PIGL: variants seen among roughly 807,000 people sequenced by gnomAD.
The protein encoded by PIGL is N-acetylglucosaminyl-phosphatidylinositol de-N-acetylase.
In PIGL, 22 loss-of-function variants were observed where a neutral mutation model predicts 31.1. The observed-to-expected ratio is 0.71, with a 90% CI of 0.51 to 1.01. The LOEUF (loss-of-function observed/expected upper bound fraction) is 1.01, where lower values mean the gene tolerates loss of function less well. Ranked by LOEUF, PIGL falls within the 50% of genes least tolerant of loss-of-function variation. The pLI is 0.00. For synonymous variants in PIGL, 131 were observed against 117.4 expected, an observed-to-expected ratio of 1.12 and a Z score of -0.75; for missense variants, 302 against 315.9, an observed-to-expected ratio of 0.96 and a Z score of 0.33.
intron 2 of PIGL, among the ~76,000 whole-genome samples, chr17:16,276,448 T>C (rs780131909): frequency 1.2e-4 from 19 of 152,198 alleles, no homozygotes; most frequent in Non-Finnish European, 2.4e-4. Context: ...AAGACTAGAC[T>C]CTGGCCGGGT....
rs190531481 is a variant in PIGL, at chr17:16,228,250, G to A, written c.236-5721G>A. On this transcript the variant is annotated intron_variant, in intron 1 of 6. Coordinates refer to ENST00000225609, the MANE Select transcript of PIGL (RefSeq NM_004278.4). ...TTTTATATTTTTATTAGAGAATGGA[G>A]TTTCACCATGTTGGCCAGGCTTGTC... Among the ~76,000 whole-genome samples the A allele has an allele frequency of 2.7e-3, 408 of 151,042 alleles. 2 individuals are homozygous for A. Among genetic ancestry groups the A allele is most frequent in the African/African-American group, 9.2e-3 (380 of 41,174 alleles).
intron 2 of PIGL, among the ~76,000 whole-genome samples, chr17:16,286,324 G>C (rs1033245598): frequency 6.6e-6 from 1 of 152,252 alleles, no homozygotes; most frequent in African/African-American, 2.4e-5. Context: ...AGCAGGGCTG[G>C]GTCTGGGGGA....
At chr17:16,289,180 G>A (rs1197290808) in intron 2 of PIGL, among the ~76,000 whole-genome samples, 1 of 152,228 alleles carries the variant, frequency 6.6e-6, no homozygotes, top group East Asian at 1.9e-4. Flanking sequence ...GTATTCGAAG[G>A]TTTAGGTGCA....
chr17:16,226,105 G>A lies in PIGL; in HGVS notation c.236-7866G>A, dbSNP rs573359173. Among the ~76,000 whole-genome samples, 8 of 152,080 alleles carry A rather than the reference G, an allele frequency of 5.3e-5. No homozygotes were observed. In the South Asian group the frequency reaches 1.5e-3, roughly 28 times the overall value. ...AGAACACTTGAGCCCAGGAGTTTGC[G>A]ACTAGAGTAAGCTATGATGATCATG... is the stretch of plus-strand genomic sequence containing the variant. On this transcript the variant is annotated intron_variant, in intron 1 of 6. Coordinates refer to ENST00000225609, the MANE Select transcript of PIGL (RefSeq NM_004278.4).
At chr17:16,310,821 C>T (rs2093046062) in intron 3 of PIGL, among the ~76,000 whole-genome samples, 1 of 152,146 alleles carries the variant, frequency 6.6e-6, no homozygotes, top group African/African-American at 2.4e-5. Context: ...GTGCTTCTTC[C>T]TGCAGCGTAG....
At chr17:16,232,935 T>C (rs2092684873) in intron 1 of PIGL, among the ~76,000 whole-genome samples, 1 of 152,036 alleles carries the variant, frequency 6.6e-6, no homozygotes, top group African/African-American at 2.4e-5. Context: ...CTGTCCAACA[T>C]GGTGAAACCC....
At chr17:16,325,068 A>G (rs2093121342) in intron 6 of PIGL, among the ~76,000 whole-genome samples, 1 of 152,042 alleles carries the variant, frequency 6.6e-6, no homozygotes, top group South Asian at 2.1e-4. Context: ...CTAACTGGCC[A>G]GGCGCGGTGG....
chr17:16,248,032 C>T lies in PIGL; in HGVS notation c.335+13962C>T, dbSNP rs141474989. Among the ~76,000 whole-genome samples, 1,141 of 152,112 alleles carry T rather than the reference C, an allele frequency of 7.5e-3. 47 individuals carry two copies. The East Asian group carries it at 0.11, about 15-fold the overall frequency. ...CCTCCCAAGTAGCCGGGATTACAGG[C>T]GCGCACCACCACACCTGGCTAATTT... On this transcript the variant is annotated intron_variant, in intron 2 of 6. Coordinates refer to ENST00000225609, the MANE Select transcript of PIGL (RefSeq NM_004278.4).
At chr17:16,286,598 A>G (rs1237854037) in intron 2 of PIGL, among the ~76,000 whole-genome samples, 1 of 152,176 alleles carries the variant, frequency 6.6e-6, no homozygotes, top group Non-Finnish European at 1.5e-5. Flanking sequence ...TTTCCTGAAC[A>G]TTAAGGTCTA....
intron 1 of PIGL, among the ~76,000 whole-genome samples, chr17:16,225,072 A>G (rs1252399204): frequency 6.6e-6 from 1 of 152,166 alleles, no homozygotes; most frequent in Non-Finnish European, 1.5e-5. Flanking sequence ...CATTTATTAT[A>G]TGTTGGCCTT....
chr17:16,315,708 C>CTTTTT (rs1157169209), intron 4 of PIGL, among the ~76,000 whole-genome samples: 1,711 of 59,016 alleles, frequency 0.029, 9 homozygotes, highest in East Asian at 0.057. Flanking sequence ...TTCTTTCTTT[C>CTTTTT]TTTTTTTTTT....
intron 2 of PIGL, among the ~76,000 whole-genome samples, chr17:16,271,842 T>A (rs187691189): frequency 1.8e-4 from 27 of 152,326 alleles, no homozygotes; most frequent in African/African-American, 6.3e-4. Flanking sequence ...AACATAATTA[T>A]ACTAAAAAAT....
chr17:16,312,003 A>G (rs1434773943), intron 3 of PIGL, among the ~76,000 whole-genome samples: 1 of 151,564 alleles, frequency 6.6e-6, no homozygotes, highest in East Asian at 2.0e-4. Flanking sequence ...GTGGCCGGGC[A>G]GAGGGGCTCC....
chr17:16,276,566 C>T (rs2092896615), intron 2 of PIGL, among the ~76,000 whole-genome samples: 1 of 152,154 alleles, frequency 6.6e-6, no homozygotes, highest in African/African-American at 2.4e-5. Flanking sequence ...AACTCTGTCT[C>T]TATGAAAAGT....
At chr17:16,294,551 C>T (rs1600834565) in intron 2 of PIGL, among the ~76,000 whole-genome samples, 1 of 152,210 alleles carries the variant, frequency 6.6e-6, no homozygotes, top group Non-Finnish European at 1.5e-5. Context: ...AGGCAGGTGG[C>T]CAGACTGCTG....
intron 6 of PIGL, among the ~76,000 whole-genome samples, chr17:16,325,162 A>G (rs2093121798): frequency 6.6e-6 from 1 of 151,922 alleles, no homozygotes; most frequent in African/African-American, 2.4e-5. Flanking sequence ...TGGCTAACAC[A>G]GTGAAACCCT....
chr17:16,317,695 G>A lies in PIGL; in HGVS notation c.527-80G>A, dbSNP rs571876700. 4.0e-5 allele frequency: 64 copies of A among 1,598,076 alleles called. 2 individuals carry two copies. In the South Asian group the frequency reaches 6.3e-4, roughly 16 times the overall value. ...TGTCCTGCCCTGCCCTGAGCCACAG[G>A]GTAGAGGGAGGATGCTCAGGGGAAA... is the stretch of plus-strand genomic sequence containing the variant. On this transcript the variant is annotated intron_variant, in intron 5 of 6. Transcript: ENST00000225609.
chr17:16,316,951 G>T (rs752296931), intron 5 of PIGL: 47 of 1,303,198 alleles, frequency 3.6e-5, no homozygotes, highest in Non-Finnish European at 4.5e-5. Context: ...CCCTCAACCT[G>T]TCTAGCTTTT....
chr17:16,298,239 C>T (rs2092990731), intron 2 of PIGL, among the ~76,000 whole-genome samples: 1 of 152,124 alleles, frequency 6.6e-6, no homozygotes, highest in African/African-American at 2.4e-5. Flanking sequence ...CAGTGACTCT[C>T]CTTTGCCCAA....
Sources: gnomAD v4.1 joint callset for allele counts (sites outside exome capture counted in the v4.1 genomes callset) on GRCh38, gnomAD v4.1.1 for gene constraint, MANE v1.5 for transcripts, NCBI Gene and HGNC (gene_info 2026-07-23, HGNC 2026-07-21) for gene names.